The following ELOVL6 variants were observed in gnomAD, a reference collection of about 807,000 sequenced individuals.
The protein encoded by ELOVL6 is ELOVL fatty acid elongase 6.
A neutral mutation model predicts 31.7 loss-of-function variants in ELOVL6; 8 were observed. The observed-to-expected ratio is 0.25, with a 90% confidence interval of 0.15 to 0.45. The LOEUF is 0.45. ELOVL6 is among the 20% of genes least tolerant of loss of function. The pLI is 1.00. For missense variants in ELOVL6, 126 were observed against 326.4 expected (o/e 0.39, Z 4.73); for synonymous variants, 101 against 117.7 (o/e 0.86, Z 0.92).
intron 1 of ELOVL6, among the ~76,000 whole-genome samples, chr4:110,131,291 T>A (rs763797325): frequency 6.6e-6 from 1 of 152,204 alleles, no homozygotes; most frequent in African/African-American, 2.4e-5. Flanking sequence ...GTGGATTATT[T>A]TTTTAATCTG....
intron 1 of ELOVL6, among the ~76,000 whole-genome samples, chr4:110,134,511 C>G (rs889382407): frequency 2.0e-5 from 3 of 152,262 alleles, no homozygotes; most frequent in African/African-American, 7.2e-5. Context: ...TGTAAGAACA[C>G]AAGGCCTCTG....
At chr4:110,090,826 A>G (rs992185822) in intron 2 of ELOVL6, among the ~76,000 whole-genome samples, 12 of 151,770 alleles carry the variant, frequency 7.9e-5, no homozygotes, top group African/African-American at 2.9e-4. Context: ...GATGGTCTCA[A>G]TCTCCTGACT....
chr4:110,070,876 CT>C (rs1371913002), intron 2 of ELOVL6, among the ~76,000 whole-genome samples: 6 of 150,994 alleles, frequency 4.0e-5, no homozygotes, highest in South Asian at 2.1e-4. Context: ...TCAATTAAAC[CT>C]CTTTTTTTTT....
intron 1 of ELOVL6, among the ~76,000 whole-genome samples, chr4:110,109,737 T>G (rs1756978019): frequency 1.3e-5 from 2 of 152,246 alleles, no homozygotes; most frequent in African/African-American, 4.8e-5. Context: ...TCGTTAGCAT[T>G]CACGTCAAGA....
At chr4:110,109,253 T>A (rs1304250196) in intron 1 of ELOVL6, among the ~76,000 whole-genome samples, 4 of 152,200 alleles carry the variant, frequency 2.6e-5, no homozygotes, top group Non-Finnish European at 1.5e-5. Flanking sequence ...TAGCATGGAC[T>A]CTTCTTGTTT....
intron 1 of ELOVL6, among the ~76,000 whole-genome samples, chr4:110,110,208 T>C (rs1439750947): frequency 6.6e-6 from 1 of 152,058 alleles, no homozygotes; most frequent in Non-Finnish European, 1.5e-5. Flanking sequence ...ATAACACTAC[T>C]TTTTGCCAAT....
In ELOVL6 at chr4:110,107,330, C is replaced by CATTA. The variant is rs138785594; in HGVS notation, c.90-1703_90-1702insTAAT. ...CACAAGACCTGGAACACAGTAGGTG[C>CATTA]TTAATAAATATCTGTTGAATGAACG... On this transcript the variant is annotated intron_variant, in intron 1 of 3. Transcript: ENST00000302274. Among the ~76,000 whole-genome samples the CATTA allele has an allele frequency of 1.7e-3, 266 of 152,286 alleles. 2 individuals are homozygous for CATTA. Among genetic ancestry groups the CATTA allele is most frequent in the African/African-American group, 6.0e-3 (248 of 41,568 alleles).
chr4:110,087,252 T>C (rs1197153363), intron 2 of ELOVL6, among the ~76,000 whole-genome samples: 1 of 152,138 alleles, frequency 6.6e-6, no homozygotes, highest in African/African-American at 2.4e-5. Context: ...GGGAGCCTGA[T>C]TGAAACCCTC....
intron 1 of ELOVL6, among the ~76,000 whole-genome samples, chr4:110,112,282 C>T (rs935988613): frequency 1.3e-5 from 2 of 152,130 alleles, no homozygotes; most frequent in Non-Finnish European, 2.9e-5. Context: ...GTGTGAACTG[C>T]GGCTCTTCAC....
Position 110,057,358 on chromosome 4 carries a change from A to G in ELOVL6, c.373+2245T>C, listed in dbSNP as rs376978185. Among the ~76,000 whole-genome samples the G allele has an allele frequency of 1.6e-4, 25 of 152,184 alleles. No individual in the cohort carries two copies. In the East Asian group the frequency reaches 3.9e-3, roughly 24 times the overall value. On this transcript the variant is annotated intron_variant, in intron 3 of 3. Coordinates refer to ENST00000302274, the MANE Select transcript of ELOVL6 (RefSeq NM_024090.3). ...AAAAAATTGAGGGGGAAGTAGTAAA[A>G]GGTAGAAACTGTTGAAGTGTTCAGG...
At chr4:110,122,956 A>G (rs1001329633) in intron 1 of ELOVL6, among the ~76,000 whole-genome samples, 1 of 151,972 alleles carries the variant, frequency 6.6e-6, no homozygotes, top group African/African-American at 2.4e-5. Context: ...TGTGCTTTCT[A>G]TATGTCTTTT....
At chr4:110,148,735 T>A (rs955266318) in intron 1 of ELOVL6, among the ~76,000 whole-genome samples, 1 of 137,138 alleles carries the variant, frequency 7.3e-6, no homozygotes, top group South Asian at 2.3e-4. Flanking sequence ...TCAAAACATC[T>A]CATGTACCCC....
chr4:110,172,161 G>A (rs916316011), intron 1 of ELOVL6, among the ~76,000 whole-genome samples: 1 of 152,032 alleles, frequency 6.6e-6, no homozygotes, highest in African/African-American at 2.4e-5. Context: ...AGGTAGTCTT[G>A]GGGATTGGGA....
At chr4:110,112,528 C>A (rs925186622) in intron 1 of ELOVL6, among the ~76,000 whole-genome samples, 5 of 152,116 alleles carry the variant, frequency 3.3e-5, no homozygotes, top group Non-Finnish European at 7.4e-5. Flanking sequence ...GAAGTTAGAA[C>A]CAAAGACTGT....
chr4:110,087,818 A>C (rs866158907), intron 2 of ELOVL6, among the ~76,000 whole-genome samples: 5 of 148,624 alleles, frequency 3.4e-5, no homozygotes, highest in Admixed American at 6.7e-5. Context: ...AAAAAAAAAA[A>C]CCTCCTATTT....
intron 2 of ELOVL6, among the ~76,000 whole-genome samples, chr4:110,083,790 TAACAATGGGCATAAGAGAAGCAGAC>T (rs1319716541): frequency 6.7e-6 from 1 of 150,204 alleles, no homozygotes; most frequent in Non-Finnish European, 1.5e-5. Flanking sequence ...TAGTATGTGG[TAACAATGGGCATAAGAGAAGCAGAC>T]AAACATAGGA....
At chr4:110,182,735 T>C (rs1477328889) in intron 1 of ELOVL6, among the ~76,000 whole-genome samples, 2 of 151,824 alleles carry the variant, frequency 1.3e-5, no homozygotes. Flanking sequence ...ATGGAGAAAC[T>C]CCGTCTCTAC....
At chr4:110,166,355 G>A (rs778662840) in intron 1 of ELOVL6, among the ~76,000 whole-genome samples, 2 of 152,134 alleles carry the variant, frequency 1.3e-5, no homozygotes, top group African/African-American at 4.8e-5. Flanking sequence ...GCTCACGCCT[G>A]TAATCCCAGC....
intron 1 of ELOVL6, 193 bp downstream of exon 1, chr4:110,198,054 A>C: frequency 1.6e-6 from 1 of 624,170 alleles, no homozygotes; most frequent in South Asian, 1.8e-5. Context: ...AGGGGCACCC[A>C]CAGACCTCGC....
Sources: gnomAD v4.1 joint callset for allele counts (sites outside exome capture counted in the v4.1 genomes callset) on GRCh38, gnomAD v4.1.1 for gene constraint, MANE v1.5 for transcripts, NCBI Gene and HGNC (gene_info 2026-07-23, HGNC 2026-07-21) for gene names.